Variants in ATRX observed in about 807,000 individuals in gnomAD.
ATRX encodes chromatin remodeler ATRX.
Under a neutral mutation model 172.6 loss-of-function variants are expected in ATRX, and 12 were observed. The ratio of observed to expected loss-of-function variants is 0.07; its 90% CI spans 0.04 to 0.11. The LOEUF is 0.11. Among genes scored for constraint, ATRX ranks in the 10% least tolerant of loss-of-function variants. The pLI is 1.00. For missense variants in ATRX, 1,368 were observed against 1,767.4 expected (o/e 0.77, Z 4.05); for synonymous variants, 674 against 594.7 (o/e 1.13, Z -1.94).
At chrX:77,561,608 A>T (rs2065022218) in intron 28 of ATRX, 1 of 111,255 alleles carries the variant, frequency 9.0e-6, no homozygotes, top group South Asian at 3.8e-4. Flanking sequence ...AACTGAACAA[A>T]TTGTTCTATA....
At chrX:77,588,561 G>A (rs1018415514) in intron 27 of ATRX, among the ~76,000 whole-genome samples, 2 of 111,233 alleles carry the variant, frequency 1.8e-5, no homozygotes, top group Middle Eastern at 9.2e-3. Context: ...CAGCCCAGGA[G>A]TTCAAGACCA....
intron 1 of ATRX, among the ~76,000 whole-genome samples, chrX:77,771,311 G>A (rs937418517): frequency 8.3e-5 from 9 of 108,319 alleles, no homozygotes; most frequent in African/African-American, 3.0e-4. Context: ...AGAAGGCGGA[G>A]GTTGCAGTGA....
chrX:77,628,989 T>C (rs1380839207), intron 19 of ATRX, among the ~76,000 whole-genome samples: 3 of 112,207 alleles, frequency 2.7e-5, no homozygotes, highest in African/African-American at 9.7e-5. Context: ...AGTTGAAAGA[T>C]GAACACTACT....
intron 15 of ATRX, among the ~76,000 whole-genome samples, chrX:77,645,829 G>C (rs1047924672): frequency 8.9e-6 from 1 of 112,027 alleles, no homozygotes; most frequent in East Asian, 2.8e-4. Flanking sequence ...TAATATACAG[G>C]GGAATGGAGC....
chrX:77,646,475 G>A (rs782818408), intron 15 of ATRX, among the ~76,000 whole-genome samples: 1 of 111,279 alleles, frequency 9.0e-6, no homozygotes, highest in East Asian at 2.8e-4. Context: ...AGCACTGAAA[G>A]AACTAAAAGG....
At chrX:77,543,974 ATT>A (rs1491071445) in intron 30 of ATRX, among the ~76,000 whole-genome samples, 2 of 99,949 alleles carry the variant, frequency 2.0e-5, no homozygotes, top group African/African-American at 3.6e-5. Context: ...ATATATATAT[ATT>A]GGACACAAGC....
At chrX:77,687,555 G>A (rs1557144671) in intron 7 of ATRX, among the ~76,000 whole-genome samples, 1 of 111,844 alleles carries the variant, frequency 8.9e-6, no homozygotes, top group Non-Finnish European at 1.9e-5. Flanking sequence ...AATGGCCTAG[G>A]CTCAACAGAC....
intron 30 of ATRX, among the ~76,000 whole-genome samples, chrX:77,554,326 G>A (rs782372834): frequency 2.7e-5 from 3 of 110,456 alleles, no homozygotes; most frequent in Non-Finnish European, 5.7e-5. Context: ...AAACATTTTC[G>A]CTGCCTATCC....
At chrX:77,559,506 G>A (rs781867980) in intron 28 of ATRX, among the ~76,000 whole-genome samples, 1 of 96,621 alleles carries the variant, frequency 1.0e-5, no homozygotes, top group East Asian at 3.2e-4. Context: ...TCACCCAGGC[G>A]GGAGTGCAAT....
chrX:77,710,529 G>T (rs182021907), intron 2 of ATRX, among the ~76,000 whole-genome samples: 1 of 110,122 alleles, frequency 9.1e-6, no homozygotes, highest in Non-Finnish European at 1.9e-5. Flanking sequence ...AAAAGTTTCC[G>T]ATCTTGGAAC....
At chrX:77,771,567 C>G (rs782041928) in intron 1 of ATRX, among the ~76,000 whole-genome samples, 81 of 108,854 alleles carry the variant, frequency 7.4e-4, no homozygotes, top group African/African-American at 2.7e-3. Context: ...CATTTCCCCC[C>G]ACCATCCCCA....
intron 14 of ATRX, among the ~76,000 whole-genome samples, chrX:77,652,745 C>T (rs1603087869): frequency 9.5e-6 from 1 of 104,845 alleles, no homozygotes; most frequent in South Asian, 4.6e-4. Context: ...AGGCGGAGCT[C>T]GCAGGGAGCC....
At chrX:77,672,074 G>GA (rs1256834353) in intron 10 of ATRX, among the ~76,000 whole-genome samples, 8 of 107,581 alleles carry the variant, frequency 7.4e-5, no homozygotes, top group Admixed American at 1.0e-4. Flanking sequence ...AAAGGAAATT[G>GA]AAAAAAAAAT....
chrX:77,664,143 C>T (rs1280173847), intron 11 of ATRX, among the ~76,000 whole-genome samples: 1 of 110,706 alleles, frequency 9.0e-6, no homozygotes, highest in East Asian at 2.8e-4. Flanking sequence ...CAGTAACTGA[C>T]AAAATTAGAG....
chrX:77,679,953 C>T (rs782270279), intron 9 of ATRX, among the ~76,000 whole-genome samples: 1 of 111,580 alleles, frequency 9.0e-6, no homozygotes, highest in East Asian at 2.8e-4. Context: ...TAATATAAGT[C>T]CACAATCCCT....
rs2063253716 is a variant in ATRX, at chrX:77,522,217, A to C, written c.6975+46T>G. On this transcript the variant is annotated intron_variant, in intron 32 of 34. Transcript: ENST00000373344. ...AACCCTCAACAACAAGGCACTTGAAATTGCCTTTAATTCATGTCAAACTAC... is the reference window on the plus strand; with the variant it reads ...AACCCTCAACAACAAGGCACTTGAACTTGCCTTTAATTCATGTCAAACTAC... 4.1e-6 allele frequency: 5 copies of C among 1,206,390 alleles called. No homozygotes were observed. The East Asian group carries it at 1.5e-4, about 36-fold the overall frequency.
intron 34 of ATRX, among the ~76,000 whole-genome samples, chrX:77,514,773 CTCTGCACAGCAGAGCT>C (rs2062995850): frequency 8.9e-6 from 1 of 112,519 alleles, no homozygotes; most frequent in East Asian, 2.8e-4. Flanking sequence ...TCCAACTAAA[CTCTGCACAGCAGAGCT>C]TCTGCACAGC....
intron 9 of ATRX, among the ~76,000 whole-genome samples, chrX:77,679,470 G>C (rs2071073095): frequency 8.9e-6 from 1 of 111,744 alleles, no homozygotes; most frequent in East Asian, 2.8e-4. Flanking sequence ...GATCAGTGCT[G>C]AGATAAGTAA....
At chrX:77,636,106 C>A (rs2148361987) in intron 15 of ATRX, 50 bp from the exon 16 acceptor site, 1 of 1,172,104 alleles carries the variant, frequency 8.5e-7, no homozygotes, top group Non-Finnish European at 1.2e-6. Flanking sequence ...ATCATTCAAG[C>A]AATGGTCAGT....
Sources: allele counts gnomAD v4.1 joint callset (sites outside exome capture counted in the v4.1 genomes callset), GRCh38; gene constraint gnomAD v4.1.1; transcripts MANE v1.5; gene names NCBI Gene and HGNC (gene_info 2026-07-23, HGNC 2026-07-21).